The following ERAP2 variants were observed in gnomAD, a reference collection of about 807,000 sequenced individuals.
ERAP2 encodes leukocyte-derived arginine aminopeptidase.
In ERAP2, 118 loss-of-function variants were observed where a neutral mutation model predicts 111.1. The observed-to-expected ratio is 1.06, with a 90% confidence interval of 0.92 to 1.24. The LOEUF (loss-of-function observed/expected upper bound fraction) is 1.24. Among genes scored for constraint, ERAP2 ranks in the 50% most tolerant of loss-of-function variants. The probability of loss-of-function intolerance (pLI) is 0.00; values close to 1 mark genes in which losing one functional copy is unlikely to be tolerated. For synonymous variants in ERAP2, 410 were observed against 401.2 expected (o/e 1.02, Z -0.26); for missense variants, 1,131 against 1,125.8 (o/e 1.00, Z -0.07).
chr5:96,901,666 G>GGGCCCTGCA lies in ERAP2; in HGVS notation c.1736_1744dup (p.Ala579_Gln581dup). 6.2e-7 allele frequency: 1 copy of GGGCCCTGCA among 1,613,862 alleles called. No individual in the cohort carries two copies. Among genetic ancestry groups the GGGCCCTGCA allele is most frequent in the Non-Finnish European group, 8.5e-7 (1 of 1,179,908 alleles). On this transcript the variant is annotated inframe_insertion, in exon 11 of 19. Coordinates refer to ENST00000437043, the MANE Select transcript of ERAP2 (RefSeq NM_022350.5). ...GTTTTCCAGGAAGACCCTGAATGGA[G>GGGCCCTGCA]GGCCCTGCAGGAGAGGTGGCTGCTT...
chr5:96,909,355 A>G (rs1406760550), intron 14 of ERAP2, among the ~76,000 whole-genome samples: 2 of 152,230 alleles, frequency 1.3e-5, no homozygotes, highest in Non-Finnish European at 2.9e-5. Context: ...ATATCCATTG[A>G]TATTCCCCTT....
In ERAP2 at chr5:96,886,740, T is replaced by G. The variant is rs746089915; in HGVS notation, c.800T>G (p.Ile267Arg). 1 of 1,539,144 alleles carries G rather than the reference T, an allele frequency of 6.5e-7. No individual in the cohort carries two copies. The highest frequency in any genetic ancestry group is 1.4e-5 in the African/African-American group (1 of 73,940). ...VKMSTYLVAY[I>R]VCDFHSLSGF... ...ATGAGTACATACCTTGTAGCCTACA[T>G]AGTTTGTGATTTCCACTCTCTGAGT... The change falls in exon 4 of 19, where the codon ATA becomes AGA. Residue 267 changes from isoleucine (I) to arginine (R), a missense_variant. By Grantham distance (97) the Ile-to-Arg change is moderately conservative. Coordinates refer to ENST00000437043, the MANE Select transcript of ERAP2 (RefSeq NM_022350.5).
At chr5:96,913,490 T>G (rs1185013450) in intron 17 of ERAP2, 33 bp downstream of exon 17, 11 of 1,611,072 alleles carry the variant, frequency 6.8e-6, no homozygotes, top group Non-Finnish European at 9.3e-6. Context: ...TGTTTGTTCT[T>G]CCATGCAGAT....
chr5:96,879,968 G>C lies in ERAP2; in HGVS notation c.283G>C (p.Glu95Gln). The C allele has an allele frequency of 6.2e-7, 1 of 1,614,184 alleles. No individual in the cohort carries two copies. Among genetic ancestry groups the C allele is most frequent in the Non-Finnish European group, 8.5e-7 (1 of 1,180,026 alleles). Residue 95 changes from glutamate to glutamine, a missense_variant, in exon 2 of 19, where the codon GAG becomes CAG. By Grantham distance (29) the Glu-to-Gln change is conservative. Around this residue, in one of 3 missense-constraint regions of ERAP2, gnomAD observed 847 missense variants for 856.5 expected, o/e 0.99. Transcript: ENST00000437043. ...CACCTCTCTGGACTTTGTTGCATCTGAGAAGATCGAAGTCTTGGTCAGCAA... is the reference window on the plus strand; with the variant it reads ...CACCTCTCTGGACTTTGTTGCATCTCAGAAGATCGAAGTCTTGGTCAGCAA... ...NLTSLDFVAS[E>Q]KIEVLVSNAT...
rs1581825135 is a variant in ERAP2, at chr5:96,890,694, T to C, written c.970+1389T>C. 2.0e-5 allele frequency among the ~76,000 whole-genome samples: 3 copies of C among 152,270 alleles called. No homozygotes were observed. In the South Asian group the frequency reaches 6.2e-4, roughly 32 times the overall value. On this transcript the variant is annotated intron_variant, in intron 5 of 18. Transcript: ENST00000437043. Reference sequence around the variant, plus strand: ...TACATAAATTAAAAGGGACCATCAATTGGCATACAGTTCCAGGCTTAAAAA... The same window carrying C: ...TACATAAATTAAAAGGGACCATCAACTGGCATACAGTTCCAGGCTTAAAAA...
At chr5:96,886,397 C>T (rs1449929075) in intron 3 of ERAP2, among the ~76,000 whole-genome samples, 2 of 152,184 alleles carry the variant, frequency 1.3e-5, no homozygotes, top group African/African-American at 4.8e-5. Flanking sequence ...TGCTTTCAAT[C>T]AACAAAATGA....
rs560439610 is a variant in ERAP2, at chr5:96,904,041, T to TCC, written c.2012+482_2012+483insCC. Among the ~76,000 whole-genome samples the TCC allele has an allele frequency of 1.6e-4, 25 of 152,340 alleles. No individual in the cohort carries two copies. The East Asian group carries it at 4.6e-3, about 28-fold the overall frequency. On this transcript the variant is annotated intron_variant, in intron 13 of 18. Transcript: ENST00000437043. ...GCTGCTACACCAAATACCGGTGTAA[T>TCC]CTCTTAAGGAAAAGTACAAATATAG... is the stretch of plus-strand genomic sequence containing the variant.
chr5:96,915,241 T>A (rs1268726733), intron 17 of ERAP2, among the ~76,000 whole-genome samples: 3 of 152,182 alleles, frequency 2.0e-5, no homozygotes, highest in Non-Finnish European at 4.4e-5. Context: ...ACTCCTGACC[T>A]CAGGTGATCC....
Position 96,902,265 on chromosome 5 carries a change from C to G in ERAP2, c.1749-9C>G, listed in dbSNP as rs561704287. On this transcript the variant is annotated splice_polypyrimidine_tract_variant and intron_variant, in intron 11 of 18. Coordinates refer to ENST00000437043, the MANE Select transcript of ERAP2 (RefSeq NM_022350.5). Reference sequence around the variant, plus strand: ...TTTGGTCTGTAACTATCTTTACTCTCTGTCATAGGTACCTGTGGCATATCC... The same window carrying G: ...TTTGGTCTGTAACTATCTTTACTCTGTGTCATAGGTACCTGTGGCATATCC... The G allele has an allele frequency of 1.4e-4, 219 of 1,574,962 alleles. 1 individual carries two copies. The South Asian group carries it at 2.4e-3, about 17-fold the overall frequency.
At position 96,895,369 on chromosome 5, in the gene ERAP2, C is replaced by T; in HGVS notation, c.1239+10C>T. 2 of 1,519,286 alleles carry T rather than the reference C, an allele frequency of 1.3e-6. No individual in the cohort carries two copies. The highest frequency in any genetic ancestry group is 1.7e-5 in the Admixed American group (1 of 59,430). The allele number at this position is 1,519,286 out of a possible 1,614,324, so 94.1% of individuals were successfully genotyped here. On this transcript the variant is annotated intron_variant, in intron 7 of 18. Coordinates refer to ENST00000437043, the MANE Select transcript of ERAP2 (RefSeq NM_022350.5). ...TCCAGAGCTGCAATTTGTAAGTTCA[C>T]AATTCTGTGTATCATACTATATGGT...
chr5:96,911,955 T>C lies in ERAP2; in HGVS notation c.2355-682T>C, dbSNP rs1239277549. ...CTGTAATCCCAGCACTTTGGGAGGCTGAGGCGGGCGGATCACGAGGTCAGG... is the reference window on the plus strand; with the variant it reads ...CTGTAATCCCAGCACTTTGGGAGGCCGAGGCGGGCGGATCACGAGGTCAGG... On this transcript the variant is annotated intron_variant, in intron 15 of 18. Transcript: ENST00000437043. 6.0e-5 allele frequency among the ~76,000 whole-genome samples: 9 copies of C among 150,632 alleles called. No individual in the cohort carries two copies. The East Asian group carries it at 1.2e-3, about 20-fold the overall frequency.
intron 18 of ERAP2, 75 bp downstream of exon 18, chr5:96,915,844 A>T: frequency 1.6e-6 from 2 of 1,276,060 alleles, no homozygotes; most frequent in Admixed American, 2.1e-5. Flanking sequence ...CTTAGATATA[A>T]TCTGATTTGA....
rs1303250191 is a variant in ERAP2, at chr5:96,913,220, T to A, written c.2517-97T>A. ...TTGGTAATTATACTTTTATCATGCC[T>A]CTTTCTGTTCTATTCTTTTAATATA... On this transcript the variant is annotated intron_variant, in intron 16 of 18. Transcript: ENST00000437043. 1.1e-5 allele frequency: 10 copies of A among 935,412 alleles called. No homozygotes were observed. In the African/African-American group the frequency reaches 1.5e-4, roughly 14 times the overall value. 57.9% of individuals were successfully genotyped at this position (935,412 alleles called of 1,614,324 possible).
At chr5:96,881,370 A>G in intron 2 of ERAP2, 1 of 454,968 alleles carries the variant, frequency 2.2e-6, no homozygotes, top group East Asian at 6.9e-5. Flanking sequence ...GGAGGGCAAA[A>G]CAACAGAGAT....
chr5:96,902,326 C>T lies in ERAP2; in HGVS notation c.1801C>T (p.His601Tyr). ...CTCCACGAGTTCTTCTAATGTGATCCACAGACACATTCTAAAATCAAAGAC... is the reference window on the plus strand; with the variant it reads ...CTCCACGAGTTCTTCTAATGTGATCTACAGACACATTCTAAAATCAAAGAC... Reference protein sequence around the residue: ...TYSTSSSNVIHRHILKSKTDT... With the variant: ...TYSTSSSNVIYRHILKSKTDT... The change falls in exon 12 of 19, where the codon CAC becomes TAC. Residue 601 changes from histidine to tyrosine, a missense_variant. This residue lies in a region of ERAP2 where 847 missense variants were observed against 856.5 expected (regional missense o/e 0.99). Coordinates refer to ENST00000437043, the MANE Select transcript of ERAP2 (RefSeq NM_022350.5). 1 of 1,611,210 alleles carries T rather than the reference C, an allele frequency of 6.2e-7. No homozygotes were observed. Among genetic ancestry groups the T allele is most frequent in the Non-Finnish European group, 8.5e-7 (1 of 1,177,596 alleles).
rs1245613643 is a variant in ERAP2, at chr5:96,882,561, G to A, written c.576-1231G>A. On this transcript the variant is annotated intron_variant, in intron 2 of 18. Coordinates refer to ENST00000437043, the MANE Select transcript of ERAP2 (RefSeq NM_022350.5). ...TAATTCAGTTGAAAGTGGTTCTTTT[G>A]AGATGCAGAAGGTCACACTTTGCAT... 3.7e-4 allele frequency among the ~76,000 whole-genome samples: 57 copies of A among 152,170 alleles called. 1 individual carries two copies. Among genetic ancestry groups the A allele is most frequent in the Non-Finnish European group, 4.4e-5 (3 of 68,034 alleles).
At chr5:96,895,172 C>T (rs1422715348) in intron 6 of ERAP2, 74 bp from the exon 7 acceptor site, 1 of 818,472 alleles carries the variant, frequency 1.2e-6, no homozygotes, top group Non-Finnish European at 1.9e-6. Flanking sequence ...AAGTTAGTAA[C>T]TATTGTATTT....
chr5:96,880,035 T>A lies in ERAP2; in HGVS notation c.350T>A (p.Ile117Asn). ...FIILHSKDLE[I>N]TNATLQSEED... ...ATCTTGCACAGCAAAGATCTTGAAATCACGAATGCCACCCTTCAGTCAGAG... is the reference window on the plus strand; with the variant it reads ...ATCTTGCACAGCAAAGATCTTGAAAACACGAATGCCACCCTTCAGTCAGAG... The change falls in exon 2 of 19, where the codon ATC (isoleucine) becomes AAC (asparagine). Residue 117 changes from isoleucine (I) to asparagine (N), a missense_variant. Ile to Asn is a moderately radical substitution (Grantham distance 149). This residue lies in a region of ERAP2 where 847 missense variants were observed against 856.5 expected (regional missense o/e 0.99). Transcript: ENST00000437043. 6.2e-7 allele frequency: 1 copy of A among 1,614,114 alleles called. No homozygotes were observed. Among genetic ancestry groups the A allele is most frequent in the East Asian group, 2.2e-5 (1 of 44,880 alleles).
intron 5 of ERAP2, among the ~76,000 whole-genome samples, chr5:96,889,759 C>T (rs1037296980): frequency 2.0e-5 from 3 of 152,058 alleles, no homozygotes; most frequent in African/African-American, 4.8e-5. Flanking sequence ...GAGGGAAACA[C>T]ACCTCCCATC....
Sources: allele counts gnomAD v4.1 joint callset (sites outside exome capture counted in the v4.1 genomes callset), GRCh38; gene constraint gnomAD v4.1.1; regional missense constraint gnomAD v4.1.1; transcripts MANE v1.5; gene names NCBI Gene and HGNC (gene_info 2026-07-23, HGNC 2026-07-21).